Variants in RBM6 observed in about 807,000 individuals in gnomAD.
RBM6 encodes the protein RNA-binding protein 6.
RBM6 carries 23 observed loss-of-function variants against 140.4 expected under a neutral mutation model. The ratio of observed to expected loss-of-function variants is 0.16; its 90% CI spans 0.12 to 0.23. RBM6 has a LOEUF of 0.23. Ranked by LOEUF, RBM6 falls within the 10% of genes least tolerant of loss-of-function variation. The pLI is 1.00. For missense variants in RBM6, 1,139 were observed against 1,386.7 expected (o/e 0.82, Z 2.84); for synonymous variants, 439 against 475.6 (o/e 0.92, Z 1.00).
intron 6 of RBM6, among the ~76,000 whole-genome samples, chr3:50,032,318 TA>T (rs200013086): frequency 2.0e-5 from 3 of 151,178 alleles, no homozygotes; most frequent in Non-Finnish European, 4.4e-5. Flanking sequence ...CCATCTCTAC[TA>T]AAAAAAATAC....
chr3:49,967,481 A>G lies in RBM6; in HGVS notation c.56A>G (p.Glu19Gly). The G allele has an allele frequency of 6.2e-7, 1 of 1,613,174 alleles. No homozygotes were observed. Residue 19 changes from glutamate to glycine, a missense_variant, in exon 3 of 21, where the codon GAA becomes GGA. Coordinates refer to ENST00000266022, the MANE Select transcript of RBM6 (RefSeq NM_005777.3). The surrounding 1 kb of genome is among the most constrained non-coding windows in gnomAD (Gnocchi z 4.0). ...NRTGPFRGSQ[E>G]ERFAPGWNRD... ...CTTTGTTTCTACAGTGGGAGCCAAG[A>G]AGAAAGGTTTGCTCCCGGGTGGAAC... is the stretch of plus-strand genomic sequence containing the variant.
intron 1 of RBM6, among the ~76,000 whole-genome samples, chr3:49,958,760 A>G (rs2084130779): frequency 6.6e-6 from 1 of 151,648 alleles, no homozygotes; most frequent in Admixed American, 6.6e-5. Flanking sequence ...CAAAAAAAAA[A>G]AAAATTCATT....
At chr3:49,966,120 C>T (rs1444944534) in intron 2 of RBM6, among the ~76,000 whole-genome samples, 2 of 151,848 alleles carry the variant, frequency 1.3e-5, no homozygotes, top group Admixed American at 6.6e-5. Flanking sequence ...AGCGAGACTC[C>T]GTCTCAAAAA....
At chr3:49,990,535 T>A (rs1018916035) in intron 5 of RBM6, among the ~76,000 whole-genome samples, 2 of 152,240 alleles carry the variant, frequency 1.3e-5, no homozygotes, top group African/African-American at 4.8e-5. Flanking sequence ...ACACTATTGT[T>A]TGTTATAATA....
intron 15 of RBM6, 55 bp downstream of exon 15, chr3:50,062,163 A>C: frequency 6.4e-7 from 1 of 1,568,178 alleles, no homozygotes. Flanking sequence ...AAAATGTTGG[A>C]GGTACGAACA....
At chr3:49,982,197 A>C (rs139897582) in intron 5 of RBM6, among the ~76,000 whole-genome samples, 5 of 145,104 alleles carry the variant, frequency 3.4e-5, no homozygotes, top group Middle Eastern at 4.1e-3. Context: ...GTTGCCTGGC[A>C]TTTTGGGTCT....
In RBM6 at chr3:49,967,968, T is replaced by C. The variant is rs1025795210; in HGVS notation, c.543T>C (p.Tyr181=). 1.9e-6 allele frequency: 3 copies of C among 1,614,164 alleles called. No individual in the cohort carries two copies. Among genetic ancestry groups the C allele is most frequent in the Non-Finnish European group, 2.5e-6 (3 of 1,180,030 alleles). ...PPSDFRGRGT[Y]DLDFRGRDGS... ...CTGACTTCAGGGGCCGGGGCACTTATGATTTAGATTTTAGAGGCCGGGATG... is the reference window on the plus strand; with the variant it reads ...CTGACTTCAGGGGCCGGGGCACTTACGATTTAGATTTTAGAGGCCGGGATG... The change falls in exon 3 of 21, where the codon TAT becomes TAC. Residue 181 remains tyrosine, a synonymous_variant. Transcript: ENST00000266022. This position sits in a 1 kb window ranked among gnomAD's most constrained non-coding sequence, Gnocchi z 4.0.
chr3:49,966,902 T>C (rs1230166351), intron 2 of RBM6, among the ~76,000 whole-genome samples: 1 of 152,202 alleles, frequency 6.6e-6, no homozygotes, highest in African/African-American at 2.4e-5. Flanking sequence ...TGCTTGTTCC[T>C]ACTGGTGATT....
chr3:50,008,180 G>A (rs1207125784), intron 6 of RBM6, among the ~76,000 whole-genome samples: 2 of 152,078 alleles, frequency 1.3e-5, no homozygotes, highest in Non-Finnish European at 2.9e-5. Flanking sequence ...TGCTCTAAAC[G>A]ACTCATTTTA....
intron 7 of RBM6, 43 bp downstream of exon 7, chr3:50,048,362 A>AT: frequency 6.3e-7 from 1 of 1,593,464 alleles, no homozygotes; most frequent in Non-Finnish European, 8.6e-7. Context: ...AGTATCTGGA[A>AT]TAACAGCTCC....
chr3:50,049,851 T>TC (rs1430676756), intron 7 of RBM6, among the ~76,000 whole-genome samples: 1 of 144,812 alleles, frequency 6.9e-6, no homozygotes, highest in African/African-American at 2.5e-5. Context: ...TAGAACTTCT[T>TC]TTTTTTTTTT....
intron 6 of RBM6, among the ~76,000 whole-genome samples, chr3:50,045,388 C>G (rs969755196): frequency 6.6e-6 from 1 of 152,158 alleles, no homozygotes; most frequent in African/African-American, 2.4e-5. Flanking sequence ...CCACTGTGTA[C>G]CAAGCACCAG....
At chr3:49,998,671 G>A (rs1012014537) in intron 5 of RBM6, among the ~76,000 whole-genome samples, 8 of 152,164 alleles carry the variant, frequency 5.3e-5, no homozygotes, top group Admixed American at 1.3e-4. Context: ...TAGCTCTAAT[G>A]GTTTGTACAG....
chr3:49,965,635 A>C (rs1042872405), intron 2 of RBM6, among the ~76,000 whole-genome samples: 1 of 151,508 alleles, frequency 6.6e-6, no homozygotes, highest in Non-Finnish European at 1.5e-5. Flanking sequence ...GCGCCACTGC[A>C]CTCCAGCCTG....
chr3:49,984,400 A>G (rs972848951), intron 5 of RBM6, among the ~76,000 whole-genome samples: 2 of 152,186 alleles, frequency 1.3e-5, no homozygotes, highest in Admixed American at 1.3e-4. Context: ...TGAGGCCAGG[A>G]GTTACAGACC....
At chr3:50,004,438 CT>C (rs2086485283) in intron 6 of RBM6, among the ~76,000 whole-genome samples, 1 of 148,218 alleles carries the variant, frequency 6.7e-6, no homozygotes. Flanking sequence ...ACTCAGTTCT[CT>C]TTAGTAGCTG....
chr3:50,072,083 C>CAAAAAA (rs974465674), intron 19 of RBM6, among the ~76,000 whole-genome samples: 20 of 41,254 alleles, frequency 4.8e-4, no homozygotes, highest in South Asian at 8.7e-4. Flanking sequence ...GACTCTGTCT[C>CAAAAAA]AAAAAAAAAA....
At chr3:50,016,316 A>T (rs2087143669) in intron 6 of RBM6, among the ~76,000 whole-genome samples, 1 of 152,204 alleles carries the variant, frequency 6.6e-6, no homozygotes, top group African/African-American at 2.4e-5. Context: ...TTGTGCTTAC[A>T]TACCACATTT....
intron 6 of RBM6, among the ~76,000 whole-genome samples, chr3:50,036,197 G>T (rs1261194179): frequency 6.6e-6 from 1 of 152,196 alleles, no homozygotes. Flanking sequence ...GCCCAGCAGG[G>T]TCTCCCTTTT....
Sources: gnomAD v4.1 joint callset for allele counts (sites outside exome capture counted in the v4.1 genomes callset) on GRCh38, gnomAD v4.1.1 for gene constraint, Gnocchi (gnomAD v3.1) non-coding constraint, MANE v1.5 for transcripts, NCBI Gene and HGNC (gene_info 2026-07-23, HGNC 2026-07-21) for gene names.